Variants in SLC30A9 observed in about 807,000 individuals in gnomAD.
SLC30A9 encodes proton-coupled zinc antiporter SLC30A9, mitochondrial.
Under a neutral mutation model 87.5 loss-of-function variants are expected in SLC30A9, and 58 were observed. That is an observed-to-expected ratio of 0.66 (90% confidence interval 0.54 to 0.82). SLC30A9 has a LOEUF of 0.82. Ranked by LOEUF, SLC30A9 falls within the 40% of genes least tolerant of loss-of-function variation. The probability of loss-of-function intolerance (pLI) is 0.00; values close to 1 mark genes in which losing one functional copy is unlikely to be tolerated. For missense variants in SLC30A9, 557 were observed against 679.1 expected (o/e 0.82, Z 2.00); for synonymous variants, 234 against 233.0 (o/e 1.00, Z -0.04).
rs1023298295 is a variant in SLC30A9 at position 42,001,903 on chromosome 4, T to C, written c.274+123T>C. 2.6e-5 allele frequency: 16 copies of C among 607,756 alleles called. No individual in the cohort carries two copies. The African/African-American group carries it at 2.9e-4, about 11-fold the overall frequency. 37.6% of individuals were successfully genotyped at this position (607,756 alleles called of 1,614,324 possible). A position where few individuals can be genotyped will look rare whatever the true frequency, so the allele number is the denominator to read the frequency against. ...ACTGTCTGGACTGATGTTTTCTTTG[T>C]GGGAACTATTAAAGCACTTATTTAA... is the stretch of plus-strand genomic sequence containing the variant. On this transcript the variant is annotated intron_variant, in intron 2 of 17. Transcript: ENST00000264451.
chr4:42,009,723 CAGTT>C (rs1355683749), intron 2 of SLC30A9, among the ~76,000 whole-genome samples: 2 of 152,186 alleles, frequency 1.3e-5, no homozygotes, highest in Non-Finnish European at 2.9e-5. Flanking sequence ...AACATCTAGA[CAGTT>C]TGTAGTGAGA....
At position 41,995,057 on chromosome 4, in the gene SLC30A9, AG is replaced by A. The variant is rs1372345402; in HGVS notation, c.109+4298del. Among the ~76,000 whole-genome samples the A allele has an allele frequency of 8.5e-5, 13 of 152,244 alleles. No individual in the cohort carries two copies. In the East Asian group the frequency reaches 2.5e-3, roughly 29 times the overall value. ...CGGATCACCTGAGGTCAGGAGTTCT[AG>A]ACCAGCCTGGCCAACATGGCAAAAA... On this transcript the variant is annotated intron_variant, in intron 1 of 17. Coordinates refer to ENST00000264451, the MANE Select transcript of SLC30A9 (RefSeq NM_006345.4).
chr4:42,006,686 CAAAAA>C lies in SLC30A9; in HGVS notation c.274+4920_274+4924del, dbSNP rs61627323. 2.5e-3 allele frequency among the ~76,000 whole-genome samples: 319 copies of C among 129,234 alleles called. 1 individual carries two copies. The highest frequency in any genetic ancestry group is 3.8e-3 in the Middle Eastern group (1 of 260). The allele number at this position is 129,234 out of a possible 152,430, so 84.8% of individuals were successfully genotyped here. On this transcript the variant is annotated intron_variant, in intron 2 of 17. Coordinates refer to ENST00000264451, the MANE Select transcript of SLC30A9 (RefSeq NM_006345.4). ...TGGGCAACAGAGTGAGACCCTGTCT[CAAAAA>C]AAAAAAAAAAAAAGTAGGTATGGAT... is the stretch of plus-strand genomic sequence containing the variant.
intron 15 of SLC30A9, among the ~76,000 whole-genome samples, chr4:42,073,488 C>T (rs1271637422): frequency 2.6e-5 from 4 of 151,976 alleles, no homozygotes; most frequent in Non-Finnish European, 5.9e-5. Flanking sequence ...ACAAATTGGC[C>T]CAAAACTTAG....
chr4:42,084,712 C>T (rs181223295), intron 17 of SLC30A9, among the ~76,000 whole-genome samples: 1 of 152,276 alleles, frequency 6.6e-6, no homozygotes, highest in South Asian at 2.1e-4. Context: ...ACCTTGTGAT[C>T]CGCCCGCCTC....
Position 41,990,571 on chromosome 4 carries a change from C to G in SLC30A9, c.-81C>G. On this transcript the variant is annotated 5_prime_UTR_variant, in exon 1 of 18. Transcript: ENST00000264451. ...CGAAGCCATCGGTGTTCGCTGATGT[C>G]CAGTCTATGGAGTCAGTTGGTACCG... 1.3e-6 allele frequency: 1 copy of G among 798,468 alleles called. No individual in the cohort carries two copies. The highest frequency in any genetic ancestry group is 2.0e-6 in the Non-Finnish European group (1 of 501,816). 49.5% of individuals were successfully genotyped at this position (798,468 alleles called of 1,614,324 possible). A position where few individuals can be genotyped will look rare whatever the true frequency, so the allele number is the denominator to read the frequency against.
At chr4:41,999,030 C>T (rs1431517869) in intron 1 of SLC30A9, among the ~76,000 whole-genome samples, 1 of 152,078 alleles carries the variant, frequency 6.6e-6, no homozygotes, top group African/African-American at 2.4e-5. Flanking sequence ...AAGATAGTGT[C>T]AAAAGCACTT....
In SLC30A9 at chr4:42,064,072, A is replaced by G. The variant is rs977948795; in HGVS notation, c.1032+951A>G. Among the ~76,000 whole-genome samples, 14 of 152,266 alleles carry G rather than the reference A, an allele frequency of 9.2e-5. 1 individual carries two copies. The highest frequency in any genetic ancestry group is 3.4e-3 in the Middle Eastern group (1 of 294). On this transcript the variant is annotated intron_variant, in intron 11 of 17. Coordinates refer to ENST00000264451, the MANE Select transcript of SLC30A9 (RefSeq NM_006345.4). Reference sequence around the variant, plus strand: ...TAGTAGGCTTGCGTATGGATGTATCACTCAGGTATGCATCAGACAGTTTGC... The same window carrying G: ...TAGTAGGCTTGCGTATGGATGTATCGCTCAGGTATGCATCAGACAGTTTGC...
intron 9 of SLC30A9, among the ~76,000 whole-genome samples, chr4:42,058,460 A>G (rs140267086): frequency 0.037 from 5,698 of 151,982 alleles, 139 homozygotes; most frequent in African/African-American, 0.042. Flanking sequence ...AACTGTTCCA[A>G]CCCCTGCCTG....
chr4:42,012,763 C>T (rs1715505478), intron 2 of SLC30A9, among the ~76,000 whole-genome samples: 1 of 151,812 alleles, frequency 6.6e-6, no homozygotes, highest in African/African-American at 2.4e-5. Flanking sequence ...TAAACAACCC[C>T]TCCACATTAA....
Position 42,089,086 on chromosome 4 carries a change from GA to G in SLC30A9, c.*2964del, listed in dbSNP as rs1459021708. The G allele has an allele frequency of 6.6e-6, 1 of 152,096 alleles. No individual in the cohort carries two copies. The highest frequency in any genetic ancestry group is 1.5e-5 in the Non-Finnish European group (1 of 68,028). 9.4% of individuals were successfully genotyped at this position (152,096 alleles called of 1,614,324 possible). ...TTAAAGCATATAAATCATTTTTAAG[GA>G]AAATATTCTCTGCAGGAGAATAATT... On this transcript the variant is annotated 3_prime_UTR_variant, in exon 18 of 18. Coordinates refer to ENST00000264451, the MANE Select transcript of SLC30A9 (RefSeq NM_006345.4).
rs1719036822 is a variant in SLC30A9, at chr4:42,089,720, G to GT, written c.*3599dup. On this transcript the variant is annotated 3_prime_UTR_variant, in exon 18 of 18. Coordinates refer to ENST00000264451, the MANE Select transcript of SLC30A9 (RefSeq NM_006345.4). ...GTGTGAGCCACTGCTCCGGTGATCT[G>GT]TTTTTAAGTGGAGTATCCTGGGGGC... The GT allele has an allele frequency of 6.6e-6, 1 of 152,254 alleles. No homozygotes were observed. The highest frequency in any genetic ancestry group is 2.1e-4 in the South Asian group (1 of 4,820). The allele number at this position is 152,254 out of a possible 1,614,324, so 9.4% of individuals were successfully genotyped here. A position where few individuals can be genotyped will look rare whatever the true frequency, so the allele number is the denominator to read the frequency against.
chr4:42,039,439 T>C (rs922479556), intron 8 of SLC30A9, among the ~76,000 whole-genome samples: 2 of 151,946 alleles, frequency 1.3e-5, no homozygotes, highest in Non-Finnish European at 2.9e-5. Context: ...AGAACATAAT[T>C]ATTTGTTCTT....
intron 2 of SLC30A9, 99 bp downstream of exon 2, chr4:42,001,879 C>T (rs1325812878): frequency 4.3e-6 from 3 of 699,634 alleles, no homozygotes; most frequent in South Asian, 2.2e-5. Flanking sequence ...ACTTATAATA[C>T]TGTCTGGACT....
At chr4:42,051,795 A>G (rs924354765) in intron 9 of SLC30A9, among the ~76,000 whole-genome samples, 3 of 152,104 alleles carry the variant, frequency 2.0e-5, no homozygotes, top group African/African-American at 7.2e-5. Flanking sequence ...TAGGGAAGAA[A>G]CAATGCTGAG....
At chr4:42,000,538 A>C (rs1205980647) in intron 1 of SLC30A9, among the ~76,000 whole-genome samples, 1 of 152,152 alleles carries the variant, frequency 6.6e-6, no homozygotes, top group East Asian at 1.9e-4. Flanking sequence ...GAATCAGTTC[A>C]CATCAGAAAG....
At chr4:42,013,721 C>T (rs1715552538) in intron 2 of SLC30A9, among the ~76,000 whole-genome samples, 2 of 152,150 alleles carry the variant, frequency 1.3e-5, no homozygotes, top group Non-Finnish European at 2.9e-5. Flanking sequence ...GACCCCTTCT[C>T]TCGCCATTTA....
At chr4:42,048,096 AGG>A (rs1485843200) in intron 8 of SLC30A9, among the ~76,000 whole-genome samples, 4 of 151,852 alleles carry the variant, frequency 2.6e-5, no homozygotes, top group African/African-American at 9.7e-5. Context: ...TGGCTAGGGG[AGG>A]GATAGCATTA....
intron 15 of SLC30A9, among the ~76,000 whole-genome samples, chr4:42,073,020 C>T (rs183363332): frequency 9.0e-4 from 135 of 150,228 alleles, no homozygotes; most frequent in African/African-American, 3.1e-3. Flanking sequence ...CACCACTGGC[C>T]ATGTTGGCCA....
Sources: allele counts gnomAD v4.1 joint callset (sites outside exome capture counted in the v4.1 genomes callset), GRCh38; gene constraint gnomAD v4.1.1; transcripts MANE v1.5; gene names NCBI Gene and HGNC (gene_info 2026-07-23, HGNC 2026-07-21).